The following KPNA3 variants were observed in gnomAD, a reference collection of about 807,000 sequenced individuals.
KPNA3 encodes the protein importin subunit alpha-4.
In KPNA3, 13 loss-of-function variants were observed where a neutral mutation model predicts 73.8. That is an observed-to-expected ratio of 0.18 (90% CI 0.11 to 0.28). The LOEUF is 0.28. Among genes scored for constraint, KPNA3 ranks in the 10% least tolerant of loss-of-function variants. The pLI is 1.00. For missense variants in KPNA3, 360 were observed against 618.1 expected, an observed-to-expected ratio of 0.58 and a Z score of 4.43; for synonymous variants, 186 against 206.9, an observed-to-expected ratio of 0.90 and a Z score of 0.87.
At chr13:49,732,906 C>T in intron 3 of KPNA3, 51 bp downstream of exon 3, 2 of 1,399,802 alleles carry the variant, frequency 1.4e-6, no homozygotes, top group Non-Finnish European at 2.0e-6. Context: ...GAAGTTCTCA[C>T]AGTTACTATA....
intron 12 of KPNA3, among the ~76,000 whole-genome samples, chr13:49,706,861 G>A (rs545948556): frequency 6.6e-6 from 1 of 151,914 alleles, no homozygotes; most frequent in African/African-American, 2.4e-5. Flanking sequence ...CCATTCTCCT[G>A]CCTCAGTCTC....
intron 2 of KPNA3, among the ~76,000 whole-genome samples, chr13:49,736,740 G>A (rs1954524643): frequency 6.6e-6 from 1 of 152,096 alleles, no homozygotes; most frequent in African/African-American, 2.4e-5. Context: ...CACCTGTATA[G>A]ATTCATGTTA....
chr13:49,735,889 T>C (rs1433808682), intron 2 of KPNA3, among the ~76,000 whole-genome samples: 1 of 152,216 alleles, frequency 6.6e-6, no homozygotes, highest in Non-Finnish European at 1.5e-5. Flanking sequence ...GTAAGTTCTG[T>C]ATGTTATTAA....
intron 2 of KPNA3, among the ~76,000 whole-genome samples, chr13:49,734,958 G>T (rs960194730): frequency 6.0e-5 from 9 of 151,008 alleles, no homozygotes; most frequent in East Asian, 1.9e-4. Context: ...GATAGATAGA[G>T]AGAGAGAGAG....
At position 49,701,271 on chromosome 13, in the gene KPNA3, T is replaced by C. The variant is rs1954145063; in HGVS notation, c.*529A>G. 6.1e-6 allele frequency: 1 copy of C among 163,418 alleles called. No individual in the cohort carries two copies. The highest frequency in any genetic ancestry group is 6.2e-5 in the Admixed American group (1 of 16,014). The allele number at this position is 163,418 out of a possible 1,614,324, so 10.1% of individuals were successfully genotyped here. On this transcript the variant is annotated 3_prime_UTR_variant, in exon 17 of 17. Transcript: ENST00000261667. ...TTGTTTTTAAGTTACTTTTTTTGTGTCAGTTCCACCAATGAAAATCATTTG... is the reference window on the plus strand; with the variant it reads ...TTGTTTTTAAGTTACTTTTTTTGTGCCAGTTCCACCAATGAAAATCATTTG...
At chr13:49,764,284 C>CT (rs1159357649) in intron 1 of KPNA3, among the ~76,000 whole-genome samples, 1 of 152,058 alleles carries the variant, frequency 6.6e-6, no homozygotes, top group Non-Finnish European at 1.5e-5. Flanking sequence ...ACTCCAAAAG[C>CT]TGAGTTGCTA....
At chr13:49,777,557 T>G (rs1171096255) in intron 1 of KPNA3, among the ~76,000 whole-genome samples, 4 of 152,158 alleles carry the variant, frequency 2.6e-5, no homozygotes, top group African/African-American at 9.7e-5. Context: ...TGGGCTGGAG[T>G]GCAGTAGTGC....
At position 49,701,490 on chromosome 13, in the gene KPNA3, G is replaced by A. The variant is rs560487444; in HGVS notation, c.*310C>T. ...TGGGCAGCTGACATGTCACCACTAT[G>A]GAATATTTATTCTAAACTGGAGACT... On this transcript the variant is annotated 3_prime_UTR_variant, in exon 17 of 17. Transcript: ENST00000261667. 1.2e-5 allele frequency: 6 copies of A among 496,300 alleles called. No homozygotes were observed. Among genetic ancestry groups the A allele is most frequent in the Admixed American group, 6.9e-5 (3 of 43,388 alleles). The allele number at this position is 496,300 out of a possible 1,614,324, so 30.7% of individuals were successfully genotyped here. A position where few individuals can be genotyped will look rare whatever the true frequency, so the allele number is the denominator to read the frequency against.
chr13:49,753,587 C>A (rs1954684986), intron 1 of KPNA3, among the ~76,000 whole-genome samples: 1 of 152,220 alleles, frequency 6.6e-6, no homozygotes, highest in African/African-American at 2.4e-5. Context: ...ATAAGGTAGG[C>A]CCAATCCCTG....
At chr13:49,704,240 G>A (rs976502546) in intron 15 of KPNA3, among the ~76,000 whole-genome samples, 6 of 151,918 alleles carry the variant, frequency 3.9e-5, no homozygotes, top group Middle Eastern at 3.2e-3. Context: ...TGACCAACAC[G>A]GAGAAACCCT....
chr13:49,721,948 C>A lies in KPNA3; in HGVS notation c.726+7G>T. The A allele has an allele frequency of 1.3e-6, 2 of 1,521,204 alleles. No homozygotes were observed. Among genetic ancestry groups the A allele is most frequent in the Non-Finnish European group, 1.8e-6 (2 of 1,131,402 alleles). The allele number at this position is 1,521,204 out of a possible 1,614,324, so 94.2% of individuals were successfully genotyped here. A position where few individuals can be genotyped will look rare whatever the true frequency, so the allele number is the denominator to read the frequency against. ...ATACCATCTGGCCTTTACAATTCTT[C>A]ATTTACCTCCTGAACTGTCTCCATA... is the stretch of plus-strand genomic sequence containing the variant. On this transcript the variant is annotated splice_region_variant and intron_variant, in intron 9 of 16. Transcript: ENST00000261667.
intron 1 of KPNA3, among the ~76,000 whole-genome samples, chr13:49,773,459 A>T (rs1219666656): frequency 6.6e-6 from 1 of 152,132 alleles, no homozygotes. Flanking sequence ...CCAATGTCCT[A>T]ATTTTTTATC....
At position 49,699,467 on chromosome 13, in the gene KPNA3, A is replaced by G. The variant is rs3720; in HGVS notation, c.*2333T>C. On this transcript the variant is annotated 3_prime_UTR_variant, in exon 17 of 17. Coordinates refer to ENST00000261667, the MANE Select transcript of KPNA3 (RefSeq NM_002267.4). Reference sequence around the variant, plus strand: ...AAAAAAAATAACAATGCAATTTTTAAACACTGTTTTGAAAACTTAAAAGTG... The same window carrying G: ...AAAAAAAATAACAATGCAATTTTTAGACACTGTTTTGAAAACTTAAAAGTG... 0.11 allele frequency: 16,960 copies of G among 152,638 alleles called. 1,173 individuals carry two copies. Among genetic ancestry groups the G allele is most frequent in the South Asian group, 0.26 (1,249 of 4,822 alleles). 9.5% of individuals were successfully genotyped at this position (152,638 alleles called of 1,614,324 possible). A position where few individuals can be genotyped will look rare whatever the true frequency, so the allele number is the denominator to read the frequency against.
intron 1 of KPNA3, among the ~76,000 whole-genome samples, chr13:49,768,940 A>AT (rs1334673503): frequency 6.6e-6 from 1 of 152,158 alleles, no homozygotes; most frequent in Non-Finnish European, 1.5e-5. Context: ...TTTCATGCAA[A>AT]TAAGGTTGTG....
At chr13:49,738,843 G>T (rs1166390901) in intron 2 of KPNA3, among the ~76,000 whole-genome samples, 1 of 151,964 alleles carries the variant, frequency 6.6e-6, no homozygotes, top group African/African-American at 2.4e-5. Flanking sequence ...GCCTTATATG[G>T]CACTGGCTAG....
At chr13:49,771,810 G>A (rs1001998230) in intron 1 of KPNA3, among the ~76,000 whole-genome samples, 3 of 151,976 alleles carry the variant, frequency 2.0e-5, no homozygotes, top group Non-Finnish European at 2.9e-5. Context: ...CACACCATCA[G>A]ACCTAGCTAA....
intron 1 of KPNA3, among the ~76,000 whole-genome samples, chr13:49,752,824 C>T (rs1248922438): frequency 2.6e-5 from 4 of 151,580 alleles, no homozygotes; most frequent in Admixed American, 6.6e-5. Flanking sequence ...GTCAGGAGAT[C>T]GAGACCATCC....
intron 15 of KPNA3, among the ~76,000 whole-genome samples, chr13:49,703,088 T>C (rs1399143516): frequency 6.6e-6 from 1 of 152,094 alleles, no homozygotes; most frequent in Non-Finnish European, 1.5e-5. Context: ...CAGGATGATC[T>C]TGATCTCCTG....
chr13:49,770,242 T>G (rs916413912), intron 1 of KPNA3, among the ~76,000 whole-genome samples: 2 of 149,400 alleles, frequency 1.3e-5, no homozygotes, highest in African/African-American at 5.0e-5. Flanking sequence ...TAGGCATGAT[T>G]ACCACTTGCT....
Sources: allele counts gnomAD v4.1 joint callset (sites outside exome capture counted in the v4.1 genomes callset), GRCh38; gene constraint gnomAD v4.1.1; transcripts MANE v1.5; gene names NCBI Gene and HGNC (gene_info 2026-07-23, HGNC 2026-07-21).